ABL2: variants seen among roughly 807,000 people sequenced by gnomAD.
ABL2 encodes ABL proto-oncogene 2, non-receptor tyrosine kinase.
Under a neutral mutation model 107.7 loss-of-function variants are expected in ABL2, and 49 were observed. That is an observed-to-expected ratio of 0.45 (90% confidence interval 0.36 to 0.58). The LOEUF (loss-of-function observed/expected upper bound fraction) is 0.58, where lower values mean the gene tolerates loss of function less well. Ranked by LOEUF, ABL2 falls within the 20% of genes least tolerant of loss-of-function variation. ABL2 has a pLI of 0.00. For synonymous variants in ABL2, 549 were observed against 548.6 expected (o/e 1.00, Z -0.01); for missense variants, 1,245 against 1,457.0 (o/e 0.85, Z 2.37).
rs1315883397 is a variant in ABL2 at position 179,102,297 on chromosome 1, C to T, written c.*5421G>A. ...AAGTGCTGGGATTACAGGCGTGAGCCACCGCACCCGGCCAGAATTTCTTTA... is the reference window on the plus strand; with the variant it reads ...AAGTGCTGGGATTACAGGCGTGAGCTACCGCACCCGGCCAGAATTTCTTTA... On this transcript the variant is annotated 3_prime_UTR_variant, in exon 12 of 12. Coordinates refer to ENST00000502732, the MANE Select transcript of ABL2 (RefSeq NM_007314.4). The T allele has an allele frequency of 5.4e-6, 1 of 185,822 alleles. No individual in the cohort carries two copies. The highest frequency in any genetic ancestry group is 2.3e-5 in the African/African-American group (1 of 42,652). 11.5% of individuals were successfully genotyped at this position (185,822 alleles called of 1,614,324 possible).
intron 1 of ABL2, among the ~76,000 whole-genome samples, chr1:179,188,411 G>T (rs964839110): frequency 5.3e-5 from 8 of 152,226 alleles, no homozygotes; most frequent in African/African-American, 1.9e-4. Context: ...GCGGGACGTG[G>T]TGGCACACGT....
intron 1 of ABL2, among the ~76,000 whole-genome samples, chr1:179,152,925 G>A (rs1387330984): frequency 6.6e-6 from 1 of 152,144 alleles, no homozygotes; most frequent in African/African-American, 2.4e-5. Context: ...TAAATCTCTG[G>A]TTTGGAGCAA....
chr1:179,112,809 C>G (rs1329231088), intron 9 of ABL2, among the ~76,000 whole-genome samples: 1 of 151,434 alleles, frequency 6.6e-6, no homozygotes, highest in Non-Finnish European at 1.5e-5. Flanking sequence ...GGCTGGAGTG[C>G]AGTGGCGCGA....
At position 179,147,236 on chromosome 1, in the gene ABL2, A is replaced by G. The variant is rs568613406; in HGVS notation, c.158-13862T>C. On this transcript the variant is annotated intron_variant, in intron 1 of 11. Coordinates refer to ENST00000502732, the MANE Select transcript of ABL2 (RefSeq NM_007314.4). ...AACTGATGTTGGCAAGGATGCAGAG[A>G]AAAGGGAACACTTATTCACTGTTGG... Among the ~76,000 whole-genome samples, 8 of 150,144 alleles carry G rather than the reference A, an allele frequency of 5.3e-5. 1 individual carries two copies. In the South Asian group the frequency reaches 1.7e-3, roughly 32 times the overall value.
chr1:179,229,467 C>G lies in ABL2; in HGVS notation c.-70G>C. On this transcript the variant is annotated 5_prime_UTR_variant, in exon 1 of 12. Transcript: ENST00000502732. ...ATTCCTCCTCGGCTCCGGCCTCGGG[C>G]TCCTGGCGCTGCTCCGGTCTCTCCC... 1 of 1,399,638 alleles carries G rather than the reference C, an allele frequency of 7.1e-7. No homozygotes were observed. The highest frequency in any genetic ancestry group is 9.3e-7 in the Non-Finnish European group (1 of 1,079,890). The allele number at this position is 1,399,638 out of a possible 1,614,324, so 86.7% of individuals were successfully genotyped here. A position where few individuals can be genotyped will look rare whatever the true frequency, so the allele number is the denominator to read the frequency against.
chr1:179,227,778 C>G (rs539783130), intron 1 of ABL2, among the ~76,000 whole-genome samples: 1 of 152,274 alleles, frequency 6.6e-6, no homozygotes, highest in South Asian at 2.1e-4. Context: ...TGTGGCCAGG[C>G]GCAGTGCCTC....
At chr1:179,167,079 A>G (rs1291049116) in intron 1 of ABL2, among the ~76,000 whole-genome samples, 1 of 152,248 alleles carries the variant, frequency 6.6e-6, no homozygotes, top group Non-Finnish European at 1.5e-5. Flanking sequence ...AGAAATTAGT[A>G]TATCAAAAGA....
chr1:179,218,521 C>T (rs775596263), intron 1 of ABL2, among the ~76,000 whole-genome samples: 16 of 152,252 alleles, frequency 1.1e-4, no homozygotes, highest in East Asian at 1.9e-4. Flanking sequence ...CTCAGCCTCC[C>T]GAGTAGCTGG....
At chr1:179,118,914 A>G (rs1390626956) in intron 6 of ABL2, 150 bp from the exon 7 acceptor site, 4 of 792,848 alleles carry the variant, frequency 5.0e-6, no homozygotes, top group South Asian at 3.8e-5. Flanking sequence ...ATTAATAAGC[A>G]AAAACTAAGA....
At chr1:179,111,185 T>C (rs951856640) in intron 10 of ABL2, among the ~76,000 whole-genome samples, 1 of 151,786 alleles carries the variant, frequency 6.6e-6, no homozygotes, top group African/African-American at 2.4e-5. Flanking sequence ...GGTTTCACCA[T>C]GTTGGCCAGG....
At chr1:179,147,540 A>G (rs1658081272) in intron 1 of ABL2, among the ~76,000 whole-genome samples, 2 of 152,238 alleles carry the variant, frequency 1.3e-5, no homozygotes, top group African/African-American at 2.4e-5. Flanking sequence ...AGCCATAAAG[A>G]AGAATAAAAT....
At chr1:179,114,735 T>C (rs936690577) in intron 9 of ABL2, 143 bp downstream of exon 9, 1 of 814,464 alleles carries the variant, frequency 1.2e-6, no homozygotes, top group Admixed American at 3.7e-5. Context: ...ATATGACAAC[T>C]GGCTGATCAA....
At chr1:179,131,751 G>A (rs542916019) in intron 2 of ABL2, among the ~76,000 whole-genome samples, 3 of 152,110 alleles carry the variant, frequency 2.0e-5, no homozygotes, top group African/African-American at 4.8e-5. Context: ...ACCAAAATCA[G>A]ACATAAACTA....
intron 4 of ABL2, among the ~76,000 whole-genome samples, chr1:179,125,798 A>G (rs891922839): frequency 1.3e-5 from 2 of 152,196 alleles, no homozygotes; most frequent in South Asian, 2.1e-4. Flanking sequence ...AAATAATTCA[A>G]CCTAAATTTA....
intron 1 of ABL2, among the ~76,000 whole-genome samples, chr1:179,149,051 G>A (rs1480889391): frequency 6.6e-6 from 1 of 152,162 alleles, no homozygotes; most frequent in East Asian, 1.9e-4. Context: ...AGTTGAGATA[G>A]GCTAAAAAAC....
At chr1:179,165,998 T>C (rs554675928) in intron 1 of ABL2, among the ~76,000 whole-genome samples, 2 of 152,066 alleles carry the variant, frequency 1.3e-5, no homozygotes, top group Admixed American at 6.6e-5. Flanking sequence ...GGTTTTACCA[T>C]GTTGGCCAGA....
intron 1 of ABL2, among the ~76,000 whole-genome samples, chr1:179,184,816 A>G (rs1343309110): frequency 1.3e-5 from 2 of 151,900 alleles, no homozygotes; most frequent in African/African-American, 2.4e-5. Context: ...TCTCTTTTCT[A>G]TACACCATGA....
intron 1 of ABL2, among the ~76,000 whole-genome samples, chr1:179,216,382 C>T (rs2124842675): frequency 6.6e-6 from 1 of 152,242 alleles, no homozygotes; most frequent in South Asian, 2.1e-4. Context: ...GCACTCAATC[C>T]AAAAAGGCAA....
At chr1:179,135,346 C>T (rs894637880) in intron 1 of ABL2, among the ~76,000 whole-genome samples, 7 of 152,162 alleles carry the variant, frequency 4.6e-5, no homozygotes, top group African/African-American at 1.7e-4. Flanking sequence ...GCCCGGCCGC[C>T]CATTGTCTGA....
Sources: allele counts gnomAD v4.1 joint callset (sites outside exome capture counted in the v4.1 genomes callset), GRCh38; gene constraint gnomAD v4.1.1; transcripts MANE v1.5; gene names NCBI Gene and HGNC (gene_info 2026-07-23, HGNC 2026-07-21).